The following CHST11 variants were observed in gnomAD, a reference collection of about 807,000 sequenced individuals.
The protein encoded by CHST11 is carbohydrate sulfotransferase 11.
CHST11 carries 9 observed loss-of-function variants against 30.4 expected under a neutral mutation model. The ratio of observed to expected loss-of-function variants is 0.30; its 90% CI spans 0.18 to 0.52. The LOEUF is 0.52. Ranked by LOEUF, CHST11 falls within the 20% of genes least tolerant of loss-of-function variation. CHST11 has a pLI of 0.97. For missense variants in CHST11, 348 were observed against 460.6 expected (o/e 0.76, Z 2.24); for synonymous variants, 152 against 187.8 (o/e 0.81, Z 1.56).
chr12:104,614,819 G>A (rs1047617112), intron 2 of CHST11, among the ~76,000 whole-genome samples: 2 of 152,058 alleles, frequency 1.3e-5, no homozygotes, highest in African/African-American at 4.8e-5. Flanking sequence ...GCCAAGGTGA[G>A]AGGGGAGATG....
At chr12:104,631,633 C>G (rs772500011) in intron 2 of CHST11, among the ~76,000 whole-genome samples, 1 of 152,162 alleles carries the variant, frequency 6.6e-6, no homozygotes, top group African/African-American at 2.4e-5. Context: ...CAGAATTAAG[C>G]CTGGCATGAA....
chr12:104,745,383 C>T (rs1274518777), intron 2 of CHST11, among the ~76,000 whole-genome samples: 2 of 152,124 alleles, frequency 1.3e-5, no homozygotes, highest in Admixed American at 6.6e-5. Flanking sequence ...ATGCCTCCAG[C>T]TTTGTTCTTT....
chr12:104,710,404 G>A (rs1380971666), intron 2 of CHST11, among the ~76,000 whole-genome samples: 3 of 152,088 alleles, frequency 2.0e-5, no homozygotes, highest in Non-Finnish European at 4.4e-5. Flanking sequence ...CACTTCCGTG[G>A]GCTCTCTGGG....
intron 1 of CHST11, among the ~76,000 whole-genome samples, chr12:104,584,122 T>C (rs1175947823): frequency 6.6e-6 from 1 of 152,240 alleles, no homozygotes; most frequent in East Asian, 1.9e-4. Context: ...TGATTTTCAG[T>C]AGCATCTCTA....
At chr12:104,602,017 T>C (rs768757556) in intron 2 of CHST11, 26 bp downstream of exon 2, 1 of 1,507,330 alleles carries the variant, frequency 6.6e-7, no homozygotes, top group South Asian at 1.2e-5. Context: ...TCTGTCAGCA[T>C]GTGAATTTTT....
intron 2 of CHST11, among the ~76,000 whole-genome samples, chr12:104,706,813 GA>G (rs960439232): frequency 2.6e-5 from 4 of 152,064 alleles, no homozygotes; most frequent in African/African-American, 4.8e-5. Flanking sequence ...GTCCCAGGGG[GA>G]AAAAATGAGT....
rs983534354 is a variant in CHST11, at chr12:104,761,492, C to G, written c.*3689C>G. On this transcript the variant is annotated 3_prime_UTR_variant, in exon 3 of 3. Coordinates refer to ENST00000303694, the MANE Select transcript of CHST11 (RefSeq NM_018413.6). ...ACACACACACACACACACACACACA[C>G]ACACACACAATCTCAGCTGCGCCAT... 3 of 154,088 alleles carry G rather than the reference C, an allele frequency of 1.9e-5. No individual in the cohort carries two copies. The highest frequency in any genetic ancestry group is 3.8e-4 in the East Asian group (2 of 5,316). The allele number at this position is 154,088 out of a possible 1,614,324, so 9.5% of individuals were successfully genotyped here.
At chr12:104,651,057 TAG>T (rs1315266563) in intron 2 of CHST11, among the ~76,000 whole-genome samples, 16 of 152,232 alleles carry the variant, frequency 1.1e-4, no homozygotes, top group African/African-American at 3.6e-4. Flanking sequence ...CATTTTCAAA[TAG>T]CCAAGCCAAC....
chr12:104,517,442 G>T (rs1193121737), intron 1 of CHST11, among the ~76,000 whole-genome samples: 1 of 152,110 alleles, frequency 6.6e-6, no homozygotes, highest in African/African-American at 2.4e-5. Flanking sequence ...GTGGTGTAGG[G>T]GCTTCCAGAC....
At chr12:104,479,803 A>G (rs1398094996) in intron 1 of CHST11, among the ~76,000 whole-genome samples, 1 of 152,134 alleles carries the variant, frequency 6.6e-6, no homozygotes, top group Admixed American at 6.5e-5. Flanking sequence ...CTATGGCTTG[A>G]AGAAGCCACA....
intron 2 of CHST11, among the ~76,000 whole-genome samples, chr12:104,756,562 T>TGTGTG (rs764699955): frequency 1.3e-5 from 2 of 151,590 alleles, no homozygotes; most frequent in Admixed American, 6.6e-5. Context: ...TGTGTGTGTG[T>TGTGTG]TTAGAGACAG....
intron 1 of CHST11, among the ~76,000 whole-genome samples, chr12:104,534,889 G>A (rs1319312527): frequency 1.3e-5 from 2 of 152,004 alleles, no homozygotes; most frequent in South Asian, 2.1e-4. Context: ...TTCTTTCTTC[G>A]CAGAAGCCAA....
chr12:104,497,909 CTTT>C (rs1205174607), intron 1 of CHST11, among the ~76,000 whole-genome samples: 5 of 75,704 alleles, frequency 6.6e-5, no homozygotes, highest in East Asian at 8.2e-4. Context: ...CCTGCCCCCT[CTTT>C]TTTTTTTTTT....
chr12:104,549,978 A>T (rs982892313), intron 1 of CHST11, among the ~76,000 whole-genome samples: 25 of 152,164 alleles, frequency 1.6e-4, no homozygotes, highest in Admixed American at 6.5e-5. Context: ...GCTAGAGGAG[A>T]AGCCTGGTGG....
At chr12:104,494,264 C>T (rs137863142) in intron 1 of CHST11, among the ~76,000 whole-genome samples, 2 of 152,286 alleles carry the variant, frequency 1.3e-5, no homozygotes, top group Non-Finnish European at 2.9e-5. Context: ...AGAGCCTGCA[C>T]CACGAAGCAA....
chr12:104,610,930 A>C (rs948111636), intron 2 of CHST11, among the ~76,000 whole-genome samples: 1 of 152,224 alleles, frequency 6.6e-6, no homozygotes, highest in African/African-American at 2.4e-5. Flanking sequence ...TTAAATTAGA[A>C]AATATACAGA....
rs373277519 is a variant in CHST11 at position 104,511,366 on chromosome 12, T to C, written c.118+53837T>C. ...CTTCTTTGGAAGTTGGAGAAGAGGATGCCAGTTTCTGCCTTTCTGCTTTCT... is the reference window on the plus strand; with the variant it reads ...CTTCTTTGGAAGTTGGAGAAGAGGACGCCAGTTTCTGCCTTTCTGCTTTCT... On this transcript the variant is annotated intron_variant, in intron 1 of 2. Coordinates refer to ENST00000303694, the MANE Select transcript of CHST11 (RefSeq NM_018413.6). 8.2e-4 allele frequency among the ~76,000 whole-genome samples: 125 copies of C among 152,346 alleles called. 1 individual carries two copies. The South Asian group carries it at 0.014, about 17-fold the overall frequency.
At chr12:104,551,818 TGGGGCAGCTGTG>T (rs1032476218) in intron 1 of CHST11, among the ~76,000 whole-genome samples, 2 of 151,990 alleles carry the variant, frequency 1.3e-5, no homozygotes, top group African/African-American at 4.8e-5. Flanking sequence ...GACGTAGGTG[TGGGGCAGCTGTG>T]GGGTGATTTG....
At chr12:104,553,837 G>A (rs534739287) in intron 1 of CHST11, among the ~76,000 whole-genome samples, 11 of 152,240 alleles carry the variant, frequency 7.2e-5, no homozygotes, top group Non-Finnish European at 1.3e-4. Context: ...AACAACACAC[G>A]TTTATTATAT....
Sources: allele counts gnomAD v4.1 joint callset (sites outside exome capture counted in the v4.1 genomes callset), GRCh38; gene constraint gnomAD v4.1.1; transcripts MANE v1.5; gene names NCBI Gene and HGNC (gene_info 2026-07-23, HGNC 2026-07-21).